IFT25: variants seen among roughly 807,000 people sequenced by gnomAD.
IFT25 encodes intraflagellar transport protein 25 homolog.
chr1:53,943,287 T>C, the IFT25 span, among the ~76,000 whole-genome samples: 4 of 152,158 alleles, frequency 2.6e-5, no homozygotes, highest in Middle Eastern at 3.2e-3. Context: ...GATTCCTGCA[T>C]TGGTAGTTCT....
chr1:53,933,213 C>A, the IFT25 span, among the ~76,000 whole-genome samples: 5 of 150,502 alleles, frequency 3.3e-5, no homozygotes, highest in Non-Finnish European at 7.4e-5. Context: ...TGGCTCACTG[C>A]AAGCTCCGCC....
the IFT25 span, among the ~76,000 whole-genome samples, chr1:53,934,995 T>A: frequency 6.6e-6 from 1 of 152,012 alleles, no homozygotes; most frequent in African/African-American, 2.4e-5. Context: ...CAAGACTCTG[T>A]CTCAAAAAAA....
At chr1:53,917,701 C>A in the IFT25 span, among the ~76,000 whole-genome samples, 1 of 152,066 alleles carries the variant, frequency 6.6e-6, no homozygotes, top group Non-Finnish European at 1.5e-5. Context: ...GTGGCAGGTG[C>A]CTGTAATCCC....
At chr1:53,922,160 T>C in the IFT25 span, among the ~76,000 whole-genome samples, 1 of 152,302 alleles carries the variant, frequency 6.6e-6, no homozygotes, top group East Asian at 1.9e-4. Context: ...TTTGGGAGGC[T>C]GAGGCCGACA....
At chr1:53,931,965 A>G in the IFT25 span, among the ~76,000 whole-genome samples, 8 of 152,140 alleles carry the variant, frequency 5.3e-5, no homozygotes, top group South Asian at 2.1e-4. Flanking sequence ...CCTTTTTAAC[A>G]TAAGTATATA....
the IFT25 span, chr1:53,928,535 GT>G: frequency 1.2e-6 from 1 of 849,222 alleles, no homozygotes; most frequent in Non-Finnish European, 2.0e-6. Flanking sequence ...ATCATGCACA[GT>G]GGAACTACAC....
At chr1:53,922,953 A>G in the IFT25 span, among the ~76,000 whole-genome samples, 8 of 152,166 alleles carry the variant, frequency 5.3e-5, no homozygotes, top group African/African-American at 1.9e-4. Flanking sequence ...TATTTTCCAA[A>G]TTTTCTATAA....
the IFT25 span, among the ~76,000 whole-genome samples, chr1:53,934,638 T>C: frequency 6.6e-6 from 1 of 152,190 alleles, no homozygotes; most frequent in Non-Finnish European, 1.5e-5. Context: ...CAATGAAATC[T>C]TGACAATAAA....
chr1:53,914,620 C>A, the IFT25 span, among the ~76,000 whole-genome samples: 2 of 152,012 alleles, frequency 1.3e-5, no homozygotes, highest in African/African-American at 2.4e-5. Context: ...TTTGTATATT[C>A]CTTTATCTGA....
chr1:53,932,913 C>T, the IFT25 span, among the ~76,000 whole-genome samples: 20 of 152,060 alleles, frequency 1.3e-4, no homozygotes, highest in Non-Finnish European at 2.5e-4. Context: ...GTTCTATAAC[C>T]GTCAACAAAG....
the IFT25 span, among the ~76,000 whole-genome samples, chr1:53,925,042 T>C: frequency 6.6e-6 from 1 of 152,216 alleles, no homozygotes; most frequent in Non-Finnish European, 1.5e-5. Flanking sequence ...GAAGTAAACA[T>C]TCTCAACTCT....
chr1:53,918,094 GC>G, the IFT25 span, among the ~76,000 whole-genome samples: 79 of 152,156 alleles, frequency 5.2e-4, 1 homozygote, highest in Admixed American at 3.1e-3. Context: ...AATCTCATTG[GC>G]TTAAAACAAT....
chr1:53,925,496 TA>T, the IFT25 span, among the ~76,000 whole-genome samples: 17 of 146,084 alleles, frequency 1.2e-4, no homozygotes, highest in Admixed American at 2.1e-4. Context: ...CCATCTCTAC[TA>T]AAAAAAAAAT....
chr1:53,942,554 TG>T, the IFT25 span, among the ~76,000 whole-genome samples: 2 of 152,258 alleles, frequency 1.3e-5, no homozygotes, highest in South Asian at 4.1e-4. Flanking sequence ...ATTTACTATT[TG>T]GCCCTTTACA....
At chr1:53,933,260 G>A in the IFT25 span, among the ~76,000 whole-genome samples, 1 of 150,594 alleles carries the variant, frequency 6.6e-6, no homozygotes, top group African/African-American at 2.4e-5. Context: ...TCAGCCTCCC[G>A]AGTAACTGGG....
the IFT25 span, chr1:53,929,873 C>A: frequency 1.8e-6 from 2 of 1,136,542 alleles, no homozygotes; most frequent in Non-Finnish European, 2.3e-6. Context: ...TTCACCCCAG[C>A]AATAAAACTG....
chr1:53,927,041 T>C, the IFT25 span, among the ~76,000 whole-genome samples: 1 of 152,202 alleles, frequency 6.6e-6, no homozygotes, highest in Non-Finnish European at 1.5e-5. Flanking sequence ...TTCTAGATTT[T>C]ATCATCTTGT....
chr1:53,934,887 T>C, the IFT25 span, among the ~76,000 whole-genome samples: 3 of 152,118 alleles, frequency 2.0e-5, no homozygotes, highest in Non-Finnish European at 4.4e-5. Context: ...TAGTCATAGC[T>C]ACTTGGGAGG....
chr1:53,914,860 T>TA, the IFT25 span, among the ~76,000 whole-genome samples: 584 of 151,968 alleles, frequency 3.8e-3, 7 homozygotes, highest in African/African-American at 0.013. Context: ...CAATATGCTA[T>TA]AAAAAAAAAT....
Sources: allele counts gnomAD v4.1 joint callset (sites outside exome capture counted in the v4.1 genomes callset), GRCh38; gene constraint gnomAD v4.1.1; transcripts MANE v1.5; gene names NCBI Gene and HGNC (gene_info 2026-07-23, HGNC 2026-07-21).